TAFA1: variants seen among roughly 807,000 people sequenced by gnomAD.
TAFA1 encodes chemokine-like protein TAFA-1.
A neutral mutation model predicts 18.5 loss-of-function variants in TAFA1; 4 were observed. The ratio of observed to expected loss-of-function variants is 0.22; its 90% CI spans 0.11 to 0.49. TAFA1 has a LOEUF of 0.49. Ranked by LOEUF, TAFA1 falls within the 20% of genes least tolerant of loss-of-function variation. The probability of loss-of-function intolerance (pLI) is 0.98; values close to 1 mark genes in which losing one functional copy is unlikely to be tolerated. For missense variants in TAFA1, 147 were observed against 169.0 expected (o/e 0.87, Z 0.72); for synonymous variants, 56 against 55.2 (o/e 1.01, Z -0.06).
At chr3:68,453,633 A>G (rs1362838072) in intron 3 of TAFA1, among the ~76,000 whole-genome samples, 3 of 152,234 alleles carry the variant, frequency 2.0e-5, no homozygotes, top group South Asian at 2.1e-4. Context: ...CCATTTGGCA[A>G]TGGGCAACAG....
chr3:68,323,771 G>A (rs900560270), intron 2 of TAFA1, among the ~76,000 whole-genome samples: 1 of 152,152 alleles, frequency 6.6e-6, no homozygotes, highest in African/African-American at 2.4e-5. Context: ...CCAAATGCTA[G>A]CAATGGACAG....
intron 2 of TAFA1, among the ~76,000 whole-genome samples, chr3:68,306,502 G>C (rs761952813): frequency 1.1e-4 from 16 of 149,010 alleles, no homozygotes; most frequent in South Asian, 2.2e-4. Context: ...ATACAGTTGT[G>C]CTTGTGTGTG....
intron 3 of TAFA1, among the ~76,000 whole-genome samples, chr3:68,510,891 G>C (rs1228200046): frequency 6.6e-6 from 1 of 152,142 alleles, no homozygotes; most frequent in Non-Finnish European, 1.5e-5. Context: ...TAATTTTCTT[G>C]TTTGGCTACC....
chr3:68,190,498 T>C (rs888233133), intron 2 of TAFA1, among the ~76,000 whole-genome samples: 1 of 151,910 alleles, frequency 6.6e-6, no homozygotes, highest in Non-Finnish European at 1.5e-5. Flanking sequence ...GCTCTGTTTC[T>C]GACAATGTGC....
intron 3 of TAFA1, among the ~76,000 whole-genome samples, chr3:68,441,349 C>T (rs1175509265): frequency 2.0e-5 from 3 of 152,108 alleles, no homozygotes; most frequent in Admixed American, 6.6e-5. Context: ...TGTGTGGAGC[C>T]TCTGGCAAGC....
intron 2 of TAFA1, among the ~76,000 whole-genome samples, chr3:68,329,089 G>GTTT (rs774883725): frequency 8.3e-6 from 1 of 120,538 alleles, no homozygotes; most frequent in African/African-American, 3.2e-5. Flanking sequence ...CCACTTTTTT[G>GTTT]TTTTTTTTTT....
intron 3 of TAFA1, among the ~76,000 whole-genome samples, chr3:68,425,947 G>A (rs1289794770): frequency 1.3e-5 from 2 of 151,840 alleles, no homozygotes; most frequent in African/African-American, 4.8e-5. Flanking sequence ...ACAGGTTGAT[G>A]TTCCTGCCTG....
intron 2 of TAFA1, among the ~76,000 whole-genome samples, chr3:68,208,506 A>T (rs760537489): frequency 1.3e-5 from 2 of 151,974 alleles, no homozygotes; most frequent in Non-Finnish European, 2.9e-5. Flanking sequence ...TTATGTCACC[A>T]ATCAGGACAA....
chr3:68,491,130 C>T (rs994100934), intron 3 of TAFA1, among the ~76,000 whole-genome samples: 1 of 152,194 alleles, frequency 6.6e-6, no homozygotes, highest in Admixed American at 6.5e-5. Flanking sequence ...TGACCCACTG[C>T]AGCTGGCCTC....
rs566219308 is a variant in TAFA1, at chr3:68,093,074, T to G, written c.118+86330T>G. On this transcript the variant is annotated intron_variant, in intron 2 of 4. Transcript: ENST00000478136. ...TTTATTTCCTCTCGAAAGTCTTCCCTGTCCTTCCTCAAAATCCTGGGTGGC... is the reference window on the plus strand; with the variant it reads ...TTTATTTCCTCTCGAAAGTCTTCCCGGTCCTTCCTCAAAATCCTGGGTGGC... Among the ~76,000 whole-genome samples, 8 of 152,304 alleles carry G rather than the reference T, an allele frequency of 5.3e-5. 1 individual carries two copies. Among genetic ancestry groups the G allele is most frequent in the African/African-American group, 1.7e-4 (7 of 41,578 alleles).
intron 2 of TAFA1, among the ~76,000 whole-genome samples, chr3:68,400,302 A>G (rs1184979360): frequency 6.6e-6 from 1 of 152,174 alleles, no homozygotes; most frequent in Non-Finnish European, 1.5e-5. Context: ...CATTATTCAC[A>G]TTTTACAGAT....
Position 68,274,704 on chromosome 3 carries a change from G to A in TAFA1, c.119-142576G>A, listed in dbSNP as rs906854895. ...GAGGATTTTTGGTGTTTGTTCCCCC[G>A]CCCCGCCCCCGCCCACATGTAACTG... On this transcript the variant is annotated intron_variant, in intron 2 of 4. Transcript: ENST00000478136. Among the ~76,000 whole-genome samples the A allele has an allele frequency of 4.6e-5, 7 of 152,088 alleles. No homozygotes were observed. In the South Asian group the frequency reaches 1.0e-3, roughly 23 times the overall value.
chr3:68,047,093 C>G (rs755606708), intron 2 of TAFA1, among the ~76,000 whole-genome samples: 1 of 152,168 alleles, frequency 6.6e-6, no homozygotes, highest in Non-Finnish European at 1.5e-5. Context: ...ATCTGCTCAA[C>G]TGTTCTCATC....
At chr3:68,495,090 A>T (rs1377767696) in intron 3 of TAFA1, among the ~76,000 whole-genome samples, 2 of 152,212 alleles carry the variant, frequency 1.3e-5, no homozygotes, top group African/African-American at 4.8e-5. Flanking sequence ...GATGTTCTCC[A>T]TTCTGTATAT....
intron 3 of TAFA1, among the ~76,000 whole-genome samples, chr3:68,470,824 A>G (rs549639402): frequency 2.0e-5 from 3 of 152,376 alleles, no homozygotes; most frequent in Admixed American, 1.3e-4. Context: ...GAGAAATTCA[A>G]GATGGCTGTG....
At chr3:68,403,015 A>T (rs1341237848) in intron 2 of TAFA1, among the ~76,000 whole-genome samples, 1 of 152,214 alleles carries the variant, frequency 6.6e-6, no homozygotes, top group African/African-American at 2.4e-5. Flanking sequence ...ACATGGTATA[A>T]TACCATATTT....
chr3:68,436,726 A>G (rs2071273849), intron 3 of TAFA1, among the ~76,000 whole-genome samples: 1 of 152,190 alleles, frequency 6.6e-6, no homozygotes, highest in Non-Finnish European at 1.5e-5. Flanking sequence ...CCAAATGTGG[A>G]ACCAACAGAT....
chr3:68,263,346 T>C, intron 2 of TAFA1, among the ~76,000 whole-genome samples: 1 of 152,042 alleles, frequency 6.6e-6, no homozygotes, highest in East Asian at 1.9e-4. Flanking sequence ...TTATATTTTG[T>C]CATTTTTTTG....
intron 2 of TAFA1, among the ~76,000 whole-genome samples, chr3:68,041,108 T>C (rs1216217873): frequency 6.6e-6 from 1 of 152,232 alleles, no homozygotes; most frequent in Non-Finnish European, 1.5e-5. Context: ...ATATGGCTAA[T>C]AATTATAAAG....
Sources: gnomAD v4.1 joint callset for allele counts (sites outside exome capture counted in the v4.1 genomes callset) on GRCh38, gnomAD v4.1.1 for gene constraint, MANE v1.5 for transcripts, NCBI Gene and HGNC (gene_info 2026-07-23, HGNC 2026-07-21) for gene names.